The following FAM227A variants were observed in gnomAD, a reference collection of about 807,000 sequenced individuals.
FAM227A encodes the protein family with sequence similarity 227 member A.
A neutral mutation model predicts 74.7 loss-of-function variants in FAM227A; 80 were observed. The observed-to-expected ratio is 1.07, with a 90% CI of 0.89 to 1.29. FAM227A has a LOEUF of 1.29. FAM227A is among the 50% of genes most tolerant of loss of function. The pLI is 0.00. For missense variants in FAM227A, 654 were observed against 683.4 expected (o/e 0.96, Z 0.48); for synonymous variants, 237 against 241.8 (o/e 0.98, Z 0.19).
intron 16 of FAM227A, among the ~76,000 whole-genome samples, chr22:38,590,327 A>C (rs2090905590): frequency 6.6e-6 from 1 of 151,952 alleles, no homozygotes; most frequent in South Asian, 2.1e-4. Context: ...GCAAAGACTC[A>C]AATAATTTCC....
chr22:38,613,571 T>C (rs750740371), intron 11 of FAM227A, among the ~76,000 whole-genome samples: 1 of 149,604 alleles, frequency 6.7e-6, no homozygotes, highest in Non-Finnish European at 1.5e-5. Flanking sequence ...GCACCTGACA[T>C]ATATAACGGG....
At chr22:38,649,666 A>T (rs2092295108) in intron 2 of FAM227A, among the ~76,000 whole-genome samples, 1 of 151,984 alleles carries the variant, frequency 6.6e-6, no homozygotes, top group African/African-American at 2.4e-5. Flanking sequence ...CCGGGGTTCA[A>T]GACCAGCCTG....
intron 14 of FAM227A, among the ~76,000 whole-genome samples, chr22:38,598,342 T>C (rs897568256): frequency 1.3e-5 from 2 of 152,192 alleles, no homozygotes; most frequent in Non-Finnish European, 2.9e-5. Flanking sequence ...TAGATAAAGA[T>C]ATTGAGCTTG....
intron 6 of FAM227A, among the ~76,000 whole-genome samples, chr22:38,634,912 G>A (rs552520642): frequency 2.6e-5 from 4 of 152,174 alleles, no homozygotes; most frequent in South Asian, 4.2e-4. Context: ...AGATGGGACC[G>A]ACATAGCCCA....
intron 12 of FAM227A, among the ~76,000 whole-genome samples, chr22:38,606,862 T>A (rs1773285150): frequency 6.6e-6 from 1 of 152,146 alleles, no homozygotes; most frequent in South Asian, 2.1e-4. Flanking sequence ...TGTGCTGACC[T>A]CATCACCACA....
intron 11 of FAM227A, among the ~76,000 whole-genome samples, chr22:38,613,973 G>A (rs1673297058): frequency 6.6e-6 from 1 of 152,154 alleles, no homozygotes; most frequent in South Asian, 2.1e-4. Flanking sequence ...CTGGGTTCAA[G>A]AGATGCCTCA....
chr22:38,639,697 T>C lies in FAM227A; in HGVS notation c.253A>G (p.Lys85Glu), dbSNP rs1251626056. ...LAIERFELEK[K>E]ALREKTRSSP... ...CTGCGAGTTTTCTCTCTTAAAGCCT[T>C]CTTCTCCAACTCAAATCTCTCAATT... Residue 85 changes from lysine (K) to glutamate (E), a missense_variant, in exon 4 of 17, where the codon AAG becomes GAG. Lys to Glu is a moderately conservative substitution (Grantham distance 56). Transcript: ENST00000535113. 1.9e-6 allele frequency: 3 copies of C among 1,551,834 alleles called. No homozygotes were observed. Among genetic ancestry groups the C allele is most frequent in the Admixed American group, 2.0e-5 (1 of 51,000 alleles).
rs185070767 is a variant in FAM227A at position 38,582,601 on chromosome 22, A to T, written c.*3524T>A. On this transcript the variant is annotated 3_prime_UTR_variant, in exon 17 of 17. Transcript: ENST00000535113. ...GTTTCTTCATATTTAACATCCTGAG[A>T]GGCTACAACTCTGAGTCCTCAGTCA... 8.1e-5 allele frequency: 60 copies of T among 737,548 alleles called. No individual in the cohort carries two copies. In the African/African-American group the frequency reaches 9.9e-4, roughly 12 times the overall value. 45.7% of individuals were successfully genotyped at this position (737,548 alleles called of 1,614,324 possible). A position where few individuals can be genotyped will look rare whatever the true frequency, so the allele number is the denominator to read the frequency against.
intron 13 of FAM227A, among the ~76,000 whole-genome samples, chr22:38,602,240 T>C (rs997462590): frequency 3.3e-5 from 5 of 152,220 alleles, no homozygotes; most frequent in African/African-American, 1.2e-4. Flanking sequence ...TTCTTTGTTG[T>C]GGGAGGCTCT....
rs902686713 is a variant in FAM227A at position 38,619,416 on chromosome 22, C to A, written c.1038+796G>T. On this transcript the variant is annotated intron_variant, in intron 11 of 16. Transcript: ENST00000535113. ...TCAGCTCTCTGCAACCTCTGCCTCC[C>A]GGGTTCAAGCAATTCTTGTGCCTCA... is the stretch of plus-strand genomic sequence containing the variant. Among the ~76,000 whole-genome samples the A allele has an allele frequency of 3.3e-5, 5 of 152,088 alleles. No homozygotes were observed. The East Asian group carries it at 9.6e-4, about 29-fold the overall frequency.
chr22:38,591,216 C>G (rs960969759), intron 16 of FAM227A: 2 of 835,124 alleles, frequency 2.4e-6, no homozygotes, highest in African/African-American at 3.6e-5. Flanking sequence ...CCCAGCTACT[C>G]AGGAGGCTGA....
intron 13 of FAM227A, 81 bp from the exon 14 acceptor site, chr22:38,600,002 A>G (rs972639169): frequency 7.9e-7 from 1 of 1,266,914 alleles, no homozygotes; most frequent in African/African-American, 1.5e-5. Flanking sequence ...GCATCAAAGC[A>G]CTCATGTCCT....
At chr22:38,642,908 C>T (rs1246902779) in intron 3 of FAM227A, among the ~76,000 whole-genome samples, 1 of 151,990 alleles carries the variant, frequency 6.6e-6, no homozygotes, top group Non-Finnish European at 1.5e-5. Flanking sequence ...TGCACTCTAG[C>T]CTGGGTGACA....
At chr22:38,646,575 A>C (rs1350299078) in intron 2 of FAM227A, among the ~76,000 whole-genome samples, 2 of 151,584 alleles carry the variant, frequency 1.3e-5, no homozygotes, top group Admixed American at 1.3e-4. Context: ...TATTTCTTAC[A>C]TACATATTTT....
intron 2 of FAM227A, among the ~76,000 whole-genome samples, chr22:38,646,903 C>A (rs1195535185): frequency 6.6e-6 from 1 of 151,970 alleles, no homozygotes; most frequent in South Asian, 2.1e-4. Flanking sequence ...GTAATCCCAG[C>A]ACTTTGGGAG....
intron 15 of FAM227A, among the ~76,000 whole-genome samples, chr22:38,592,953 T>C (rs768105135): frequency 6.2e-4 from 95 of 152,248 alleles, no homozygotes; most frequent in Non-Finnish European, 1.2e-3. Context: ...AACCCTTCCA[T>C]TTTTATTCCA....
At position 38,588,615 on chromosome 22, in the gene FAM227A, TAAAAAA is replaced by T. The variant is rs757871619; in HGVS notation, c.1639-2422_1639-2417del. ...GCCTGGGTAACAGAGTGACTCTGTC[TAAAAAA>T]AAAAAAAAAAAAAAAAAAATGCTGG... On this transcript the variant is annotated intron_variant, in intron 16 of 16. Transcript: ENST00000535113. Among the ~76,000 whole-genome samples the T allele has an allele frequency of 1.5e-4, 7 of 47,848 alleles. No individual in the cohort carries two copies. The South Asian group carries it at 2.0e-3, about 13-fold the overall frequency. 31.4% of individuals were successfully genotyped at this position (47,848 alleles called of 152,430 possible). A position where few individuals can be genotyped will look rare whatever the true frequency, so the allele number is the denominator to read the frequency against.
rs2091658951 is a variant in FAM227A at position 38,620,221 on chromosome 22, G to A, written c.1029C>T (p.Tyr343=). 2 of 1,550,884 alleles carry A rather than the reference G, an allele frequency of 1.3e-6. No homozygotes were observed. The highest frequency in any genetic ancestry group is 1.4e-5 in the African/African-American group (1 of 73,156). ...GTGCCTCCCCACTTACCTGAGGGTGGTAGAATTTCCTGCTCTGGGCTGGCT... is the reference window on the plus strand; with the variant it reads ...GTGCCTCCCCACTTACCTGAGGGTGATAGAATTTCCTGCTCTGGGCTGGCT... ...SQKPAQSRKF[Y]HPQSSSANSP... The change falls in exon 11 of 17, where the codon TAC becomes TAT. Residue 343 remains tyrosine, a synonymous_variant. Coordinates refer to ENST00000535113, the MANE Select transcript of FAM227A (RefSeq NM_001013647.2).
At chr22:38,630,162 C>G (rs921114113) in intron 6 of FAM227A, among the ~76,000 whole-genome samples, 7 of 138,038 alleles carry the variant, frequency 5.1e-5, no homozygotes, top group African/African-American at 1.9e-4. Context: ...CTTCTTTACC[C>G]GCACTCACAC....
Sources: gnomAD v4.1 joint callset for allele counts (sites outside exome capture counted in the v4.1 genomes callset) on GRCh38, gnomAD v4.1.1 for gene constraint, MANE v1.5 for transcripts, NCBI Gene and HGNC (gene_info 2026-07-23, HGNC 2026-07-21) for gene names.